Variants in DSCAML1 observed in about 807,000 individuals in gnomAD.
The protein encoded by DSCAML1 is cell adhesion molecule DSCAML1.
In DSCAML1, 38 loss-of-function variants were observed where a neutral mutation model predicts 200.5. The ratio of observed to expected loss-of-function variants is 0.19; its 90% confidence interval spans 0.15 to 0.25. DSCAML1 has a LOEUF of 0.25. Ranked by LOEUF, DSCAML1 falls within the 10% of genes least tolerant of loss-of-function variation. DSCAML1 has a pLI of 1.00. For missense variants in DSCAML1, 2,223 were observed against 2,858.8 expected (o/e 0.78, Z 5.07); for synonymous variants, 1,215 against 1,165.0 (o/e 1.04, Z -0.87).
intron 3 of DSCAML1, among the ~76,000 whole-genome samples, chr11:117,764,447 G>C (rs1565270409): frequency 6.6e-6 from 1 of 152,174 alleles, no homozygotes; most frequent in Non-Finnish European, 1.5e-5. Flanking sequence ...AATCCCTTGA[G>C]ATCCTCAAGC....
chr11:117,770,208 G>A (rs961618339), intron 3 of DSCAML1, among the ~76,000 whole-genome samples: 25 of 152,208 alleles, frequency 1.6e-4, no homozygotes, highest in South Asian at 1.0e-3. Context: ...GCCAGGAAAG[G>A]AACAGATCAT....
intron 17 of DSCAML1, among the ~76,000 whole-genome samples, chr11:117,462,498 T>C (rs11216403): frequency 0.23 from 34,856 of 152,072 alleles, 4,634 homozygotes; most frequent in Non-Finnish European, 0.3. Context: ...TCGCTCCGAG[T>C]GGAAGAAAGG....
rs180942673 is a variant in DSCAML1, at chr11:117,522,379, C to T, written c.938-974G>A. The stretch of plus-strand genomic sequence containing the variant: ...GGGCCACTTGAGAGCAGGGTGACGT[C>T]TCTCAGCCTCATAGGCCTACCATGA... On this transcript the variant is annotated intron_variant, in intron 5 of 32. Coordinates refer to ENST00000651296, the MANE Select transcript of DSCAML1 (RefSeq NM_020693.4). 1.0e-3 allele frequency among the ~76,000 whole-genome samples: 159 copies of T among 152,336 alleles called. 1 individual carries two copies. The highest frequency in any genetic ancestry group is 3.7e-3 in the African/African-American group (154 of 41,568).
intron 5 of DSCAML1, 145 bp downstream of exon 5, chr11:117,524,660 G>A (rs538532992): frequency 9.7e-7 from 1 of 1,032,894 alleles, no homozygotes; most frequent in South Asian, 1.8e-5. Context: ...GCTTTTCCAG[G>A]ATACCAGACT....
intron 3 of DSCAML1, among the ~76,000 whole-genome samples, chr11:117,698,035 G>A (rs974096638): frequency 2.0e-5 from 3 of 152,192 alleles, no homozygotes; most frequent in African/African-American, 7.2e-5. Flanking sequence ...CTCCCAAAGT[G>A]CTGGGATTTC....
upstream of DSCAML1, chr11:117,802,000 T>G (rs571811396): frequency 6.6e-6 from 1 of 152,262 alleles, no homozygotes; most frequent in South Asian, 2.1e-4. Flanking sequence ...TTGTCACATT[T>G]CTCTCTGGGG....
chr11:117,666,025 A>G (rs2052967618), intron 3 of DSCAML1, among the ~76,000 whole-genome samples: 1 of 152,214 alleles, frequency 6.6e-6, no homozygotes, highest in Admixed American at 6.5e-5. Flanking sequence ...GCAGTTGGTC[A>G]GTGGCTGGTT....
intron 17 of DSCAML1, among the ~76,000 whole-genome samples, chr11:117,464,300 C>T: frequency 6.6e-6 from 1 of 152,090 alleles, no homozygotes; most frequent in Non-Finnish European, 1.5e-5. Flanking sequence ...GGGCCATGTC[C>T]TTTTTCTCAA....
intron 3 of DSCAML1, among the ~76,000 whole-genome samples, chr11:117,754,722 A>G (rs564547711): frequency 2.2e-4 from 33 of 152,234 alleles, no homozygotes; most frequent in African/African-American, 7.7e-4. Context: ...GGAGGGGGAA[A>G]CAGAGAAGGG....
chr11:117,566,824 C>T (rs977911077), intron 3 of DSCAML1, among the ~76,000 whole-genome samples: 29 of 150,416 alleles, frequency 1.9e-4, no homozygotes, highest in East Asian at 7.8e-4. Context: ...TGAGAATATG[C>T]GGTGTTTGGT....
chr11:117,583,583 G>T (rs868316360), intron 3 of DSCAML1, among the ~76,000 whole-genome samples: 2 of 152,060 alleles, frequency 1.3e-5, no homozygotes, highest in African/African-American at 4.8e-5. Flanking sequence ...ATTACCCTCC[G>T]TTCTGCATTG....
At chr11:117,578,731 C>T (rs752365365) in intron 3 of DSCAML1, among the ~76,000 whole-genome samples, 7 of 152,078 alleles carry the variant, frequency 4.6e-5, no homozygotes, top group Admixed American at 6.5e-5. Flanking sequence ...TCCTAAGCTC[C>T]CTCTACTATC....
Position 117,476,836 on chromosome 11 carries a change from C to T in DSCAML1, c.2785+3607G>A, listed in dbSNP as rs372145487. On this transcript the variant is annotated intron_variant, in intron 14 of 32. Transcript: ENST00000651296. ...CATGATGAGCAACATGGCAGAAATC[C>T]TGGCAAAGGCACATTTGGGGCAAAG... 2.0e-4 allele frequency among the ~76,000 whole-genome samples: 31 copies of T among 152,244 alleles called. No homozygotes were observed. The South Asian group carries it at 3.1e-3, about 15-fold the overall frequency.
chr11:117,506,547 CTTTTTTTTTTTT>C (rs5795089), intron 8 of DSCAML1, among the ~76,000 whole-genome samples: 12 of 96,858 alleles, frequency 1.2e-4, no homozygotes, highest in East Asian at 1.2e-3. Flanking sequence ...CAAGAGATAA[CTTTTTTTTTTTT>C]TTTTTTTTTT....
chr11:117,529,536 C>T (rs377393013), intron 4 of DSCAML1, among the ~76,000 whole-genome samples: 19 of 152,298 alleles, frequency 1.2e-4, no homozygotes, highest in African/African-American at 4.3e-4. Flanking sequence ...AAAGTTTGGC[C>T]TAATTCATAA....
chr11:117,693,377 T>A (rs1478495588), intron 3 of DSCAML1, among the ~76,000 whole-genome samples: 1 of 152,244 alleles, frequency 6.6e-6, no homozygotes, highest in Non-Finnish European at 1.5e-5. Flanking sequence ...GAGTCCCACG[T>A]ATCAGCTCTC....
intron 14 of DSCAML1, 136 bp from the exon 15 acceptor site, chr11:117,472,172 A>G (rs1273698458): frequency 6.4e-5 from 59 of 915,336 alleles, no homozygotes; most frequent in Non-Finnish European, 8.8e-5. Context: ...GAGAGGGCAC[A>G]GGCCTGAACA....
rs143804855 is a variant in DSCAML1 at position 117,684,646 on chromosome 11, A to G, written c.511+92145T>C. ...AGGTGGCCCCTCCTGTCTTTGTGCT[A>G]GTTCTTCTGTTCTGATGTGTCTGTC... is the stretch of plus-strand genomic sequence containing the variant. On this transcript the variant is annotated intron_variant, in intron 3 of 32. Coordinates refer to ENST00000651296, the MANE Select transcript of DSCAML1 (RefSeq NM_020693.4). Among the ~76,000 whole-genome samples, 36 of 152,264 alleles carry G rather than the reference A, an allele frequency of 2.4e-4. 1 individual carries two copies. In the East Asian group the frequency reaches 6.6e-3, roughly 28 times the overall value.
At chr11:117,442,856 T>C (rs2048096539) in intron 21 of DSCAML1, among the ~76,000 whole-genome samples, 1 of 152,128 alleles carries the variant, frequency 6.6e-6, no homozygotes, top group South Asian at 2.1e-4. Context: ...AGCTCACTCC[T>C]TCCCGGTTGT....
Sources: allele counts gnomAD v4.1 joint callset (sites outside exome capture counted in the v4.1 genomes callset), GRCh38; gene constraint gnomAD v4.1.1; transcripts MANE v1.5; gene names NCBI Gene and HGNC (gene_info 2026-07-23, HGNC 2026-07-21).